The following IGSF10 variants were observed in gnomAD, a reference collection of about 807,000 sequenced individuals.
IGSF10 encodes the protein immunoglobulin superfamily member 10, also known as calvaria mechanical force protein 608.
IGSF10 carries 126 observed loss-of-function variants against 128.2 expected under a neutral mutation model. The ratio of observed to expected loss-of-function variants is 0.98; its 90% CI spans 0.85 to 1.14. The LOEUF (loss-of-function observed/expected upper bound fraction) is 1.14, where lower values mean the gene tolerates loss of function less well. IGSF10 is among the 50% of genes most tolerant of loss of function. The pLI is 0.00. For synonymous variants in IGSF10, 1,185 were observed against 1,146.2 expected (o/e 1.03, Z -0.68); for missense variants, 3,295 against 3,149.8 (o/e 1.05, Z -1.10).
Position 151,438,586 on chromosome 3 carries a change from C to T in IGSF10, c.5975G>A (p.Trp1992Ter), listed in dbSNP as rs1003877453. 6.2e-7 allele frequency: 1 copy of T among 1,612,398 alleles called. No individual in the cohort carries two copies. The highest frequency in any genetic ancestry group is 1.7e-4 in the Middle Eastern group (1 of 6,052). The change falls in exon 8 of 8, where the codon TGG becomes TAG. Residue 1992 changes from tryptophan to a stop codon, truncating the protein, a stop_gained. Coordinates refer to ENST00000282466, the MANE Select transcript of IGSF10 (RefSeq NM_178822.5). LOFTEE classifies it low-confidence loss of function (END_TRUNC). ...GGATCCATTAGGGTAGACGTGGATC[C>T]AGCTGCCCACTCTAAGGAGAAAAGA... ...VVDQQHRVGS[W>*]IHVYPNGSLF...
chr3:151,572,792 G>C, the IGSF10 span, among the ~76,000 whole-genome samples: 1 of 152,070 alleles, frequency 6.6e-6, no homozygotes, highest in South Asian at 2.1e-4. Context: ...TGCTTCTCTA[G>C]TTCTTTTAAT....
upstream of IGSF10, chr3:151,461,416 T>C (rs533846397): frequency 1.0e-6 from 1 of 985,050 alleles, no homozygotes; most frequent in Non-Finnish European, 1.2e-6. Context: ...TTAGCGTTAA[T>C]GACCTGTGAT....
chr3:151,436,620 G>T lies in IGSF10; in HGVS notation c.*69C>A. On this transcript the variant is annotated 3_prime_UTR_variant, in exon 8 of 8. Coordinates refer to ENST00000282466, the MANE Select transcript of IGSF10 (RefSeq NM_178822.5). ...ATTCAAATTCATTTACATGCCTATG[G>T]CTGCCTTTGATTAAACTTCTTCCAA... The T allele has an allele frequency of 2.8e-6, 3 of 1,069,538 alleles. No homozygotes were observed. The highest frequency in any genetic ancestry group is 2.3e-5 in the Admixed American group (1 of 43,684). The allele number at this position is 1,069,538 out of a possible 1,614,324, so 66.3% of individuals were successfully genotyped here.
the IGSF10 span, among the ~76,000 whole-genome samples, chr3:151,559,001 T>G: frequency 7.9e-5 from 12 of 152,120 alleles, 1 homozygote; most frequent in South Asian, 2.5e-3. Context: ...GAGAAAGGCC[T>G]TAAGGGTTCA....
chr3:151,503,855 G>T, the IGSF10 span, among the ~76,000 whole-genome samples: 1 of 152,018 alleles, frequency 6.6e-6, no homozygotes, highest in Non-Finnish European at 1.5e-5. Context: ...TAAAATTGCA[G>T]GGGGTCGAGT....
chr3:151,558,452 C>G, the IGSF10 span, among the ~76,000 whole-genome samples: 1 of 152,022 alleles, frequency 6.6e-6, no homozygotes, highest in African/African-American at 2.4e-5. Context: ...CAAGCACATA[C>G]TCTTGCTATA....
chr3:151,568,722 GC>G, the IGSF10 span, among the ~76,000 whole-genome samples: 16 of 152,182 alleles, frequency 1.1e-4, no homozygotes, highest in Admixed American at 6.5e-4. Flanking sequence ...GTGTATCCTA[GC>G]AATTTTGACT....
the IGSF10 span, among the ~76,000 whole-genome samples, chr3:151,490,979 C>A: frequency 6.6e-6 from 1 of 151,530 alleles, no homozygotes; most frequent in Non-Finnish European, 1.5e-5. Flanking sequence ...AATGAACAAA[C>A]CCAAAATTAG....
intron 7 of IGSF10, among the ~76,000 whole-genome samples, chr3:151,441,439 A>G (rs1001892028): frequency 6.6e-6 from 1 of 152,184 alleles, no homozygotes; most frequent in East Asian, 1.9e-4. Context: ...TTTTGATGAC[A>G]TTTGAAAAAC....
the IGSF10 span, among the ~76,000 whole-genome samples, chr3:151,496,863 T>C: frequency 6.6e-6 from 1 of 152,084 alleles, no homozygotes; most frequent in African/African-American, 2.4e-5. Context: ...TTTTTAATGA[T>C]TGCCATTCTA....
the IGSF10 span, among the ~76,000 whole-genome samples, chr3:151,537,475 C>A: frequency 6.6e-6 from 1 of 152,186 alleles, no homozygotes; most frequent in Admixed American, 6.5e-5. Context: ...GAGACAACAT[C>A]ATTAAATCAT....
Position 151,446,930 on chromosome 3 carries a change from G to T in IGSF10, c.3051C>A (p.Gly1017=), listed in dbSNP as rs375820554. ...ATGGGCTGATAATCCGCCCCCTTCC[G>T]CCAATTTTCCTCTGCCTCCCAAAGC... ...FRRFGRQRKI[G]GRGRIISPYR... The change falls in exon 6 of 8, where the codon GGC becomes GGA. Residue 1017 remains glycine, a synonymous_variant. Transcript: ENST00000282466. The T allele has an allele frequency of 1.8e-5, 29 of 1,613,996 alleles. No individual in the cohort carries two copies. Among genetic ancestry groups the T allele is most frequent in the Middle Eastern group, 3.3e-4 (2 of 6,084 alleles).
the IGSF10 span, among the ~76,000 whole-genome samples, chr3:151,546,254 T>C: frequency 2.0e-5 from 3 of 151,998 alleles, no homozygotes; most frequent in Admixed American, 2.0e-4. Context: ...AACCCTCTCC[T>C]ACCAAAATAC....
chr3:151,593,094 AC>A, the IGSF10 span, among the ~76,000 whole-genome samples: 1 of 152,206 alleles, frequency 6.6e-6, no homozygotes, highest in Admixed American at 6.5e-5. Context: ...CCTAAGTATA[AC>A]AATTAGCATG....
At chr3:151,499,245 T>G in the IGSF10 span, among the ~76,000 whole-genome samples, 1 of 152,166 alleles carries the variant, frequency 6.6e-6, no homozygotes, top group Admixed American at 6.6e-5. Flanking sequence ...AAAAAAGTCT[T>G]GCCAGTGGTT....
chr3:151,543,879 C>T, the IGSF10 span, among the ~76,000 whole-genome samples: 1 of 152,120 alleles, frequency 6.6e-6, no homozygotes, highest in African/African-American at 2.4e-5. Context: ...CCCCCAACTC[C>T]CTACCCCTAA....
chr3:151,541,132 T>A, the IGSF10 span, among the ~76,000 whole-genome samples: 5 of 152,178 alleles, frequency 3.3e-5, no homozygotes, highest in Admixed American at 3.3e-4. Flanking sequence ...AAAACCTCAG[T>A]AGTTTAATTA....
chr3:151,572,192 G>A, the IGSF10 span, among the ~76,000 whole-genome samples: 2 of 152,016 alleles, frequency 1.3e-5, no homozygotes, highest in African/African-American at 4.8e-5. Flanking sequence ...TTTTTTTGTT[G>A]TGCCTCTGCC....
the IGSF10 span, among the ~76,000 whole-genome samples, chr3:151,559,488 G>T: frequency 6.6e-6 from 1 of 152,168 alleles, no homozygotes; most frequent in African/African-American, 2.4e-5. Context: ...TAATTGACAT[G>T]AATGTTTTAA....
Sources: allele counts gnomAD v4.1 joint callset (sites outside exome capture counted in the v4.1 genomes callset), GRCh38; gene constraint gnomAD v4.1.1; transcripts MANE v1.5; gene names NCBI Gene and HGNC (gene_info 2026-07-23, HGNC 2026-07-21).